Variants in NELL2 observed in about 807,000 individuals in gnomAD.
NELL2 encodes the protein neural EGFL like 2, also known as protein kinase C-binding protein NELL2.
Under a neutral mutation model 109.6 loss-of-function variants are expected in NELL2, and 41 were observed. The ratio of observed to expected loss-of-function variants is 0.37; its 90% confidence interval spans 0.29 to 0.49. NELL2 has a LOEUF of 0.49. Among genes scored for constraint, NELL2 ranks in the 20% least tolerant of loss-of-function variants. The pLI is 0.98. For synonymous variants in NELL2, 355 were observed against 344.7 expected, an observed-to-expected ratio of 1.03 and a Z score of -0.33; for missense variants, 900 against 1,008.3, an observed-to-expected ratio of 0.89 and a Z score of 1.45.
intron 15 of NELL2, among the ~76,000 whole-genome samples, chr12:44,588,735 T>C (rs1376012405): frequency 1.3e-5 from 2 of 152,204 alleles, no homozygotes; most frequent in African/African-American, 4.8e-5. Context: ...TTTAACCATA[T>C]TTAAGTGTAC....
chr12:44,902,704 GAGAT>G (rs1057299187), intron 1 of NELL2, among the ~76,000 whole-genome samples: 20 of 152,194 alleles, frequency 1.3e-4, no homozygotes, highest in African/African-American at 4.8e-4. Context: ...CGAAAACAGA[GAGAT>G]AGACCAATGG....
intron 12 of NELL2, among the ~76,000 whole-genome samples, chr12:44,695,492 T>A (rs1949036539): frequency 6.6e-6 from 1 of 151,974 alleles, no homozygotes; most frequent in South Asian, 2.1e-4. Flanking sequence ...AGCCCAGGAG[T>A]TTGAGACCAT....
rs1945589085 is a variant in NELL2 at position 44,610,762 on chromosome 12, A to G, written c.1567+86T>C. 14 of 1,563,698 alleles carry G rather than the reference A, an allele frequency of 9.0e-6. No homozygotes were observed. The Middle Eastern group carries it at 5.1e-4, about 57-fold the overall frequency. ...TCTGTAGGAAGTACCTGGAATGTAC[A>G]TAACAGTAATGATAAGGTGTAGAGG... On this transcript the variant is annotated intron_variant, in intron 14 of 19. Transcript: ENST00000429094.
chr12:44,869,855 T>A (rs1945113776), intron 2 of NELL2, among the ~76,000 whole-genome samples: 1 of 152,186 alleles, frequency 6.6e-6, no homozygotes, highest in African/African-American at 2.4e-5. Context: ...AGGTTGATAA[T>A]TTCTCAAATA....
intron 15 of NELL2, among the ~76,000 whole-genome samples, chr12:44,533,324 C>G (rs1734502583): frequency 6.6e-6 from 1 of 152,080 alleles, no homozygotes. Flanking sequence ...ATGACAATAG[C>G]ATTCATGCAT....
At chr12:44,738,327 A>G (rs1278961676) in intron 9 of NELL2, among the ~76,000 whole-genome samples, 2 of 152,174 alleles carry the variant, frequency 1.3e-5, no homozygotes, top group African/African-American at 4.8e-5. Flanking sequence ...TATGAAATCA[A>G]TCTCTCAAAG....
intron 2 of NELL2, among the ~76,000 whole-genome samples, chr12:44,819,309 C>T (rs898071796): frequency 2.0e-5 from 3 of 152,142 alleles, no homozygotes; most frequent in African/African-American, 2.4e-5. Context: ...GGAAACAGAC[C>T]GCTTGAGAAG....
chr12:44,545,365 AG>A (rs1221000432), intron 15 of NELL2, among the ~76,000 whole-genome samples: 2 of 152,106 alleles, frequency 1.3e-5, no homozygotes, highest in Admixed American at 6.6e-5. Context: ...CTTTTAAGAA[AG>A]GGTGCTACAA....
chr12:44,833,390 T>G (rs1355909279), intron 2 of NELL2, among the ~76,000 whole-genome samples: 1 of 152,218 alleles, frequency 6.6e-6, no homozygotes, highest in Non-Finnish European at 1.5e-5. Context: ...CTACACATTT[T>G]CATTATTTTT....
intron 12 of NELL2, among the ~76,000 whole-genome samples, chr12:44,684,314 C>G (rs1352083717): frequency 6.6e-6 from 1 of 151,846 alleles, no homozygotes; most frequent in Non-Finnish European, 1.5e-5. Flanking sequence ...TCTCTTTTTT[C>G]TTTATTAGTC....
intron 12 of NELL2, among the ~76,000 whole-genome samples, chr12:44,679,160 C>A (rs536482873): frequency 2.0e-5 from 3 of 151,960 alleles, no homozygotes; most frequent in Middle Eastern, 3.2e-3. Flanking sequence ...CTATTACTCC[C>A]GGGAGGAGAG....
intron 13 of NELL2, among the ~76,000 whole-genome samples, chr12:44,615,016 G>A (rs1197174207): frequency 1.3e-5 from 2 of 152,052 alleles, no homozygotes; most frequent in Non-Finnish European, 2.9e-5. Context: ...GGTTAAAAAT[G>A]ATTATAAAGT....
At chr12:44,611,043 C>T in intron 13 of NELL2, 73 bp from the exon 14 acceptor site, 1 of 1,446,610 alleles carries the variant, frequency 6.9e-7, no homozygotes, top group South Asian at 1.2e-5. Context: ...CACCTTCAGT[C>T]TTGGTTATTG....
chr12:44,714,400 C>T (rs774895001), intron 10 of NELL2, among the ~76,000 whole-genome samples: 6 of 151,934 alleles, frequency 3.9e-5, no homozygotes, highest in Non-Finnish European at 5.9e-5. Context: ...ATTTGGAAAA[C>T]ATACGACAAC....
intron 15 of NELL2, 43 bp from the exon 16 acceptor site, chr12:44,532,764 T>C (rs1411685925): frequency 6.4e-7 from 1 of 1,573,212 alleles, no homozygotes; most frequent in Non-Finnish European, 8.7e-7. Context: ...TTATCTTCTT[T>C]GAAAGAAACT....
At chr12:44,837,715 T>C (rs1256498306) in intron 2 of NELL2, among the ~76,000 whole-genome samples, 3 of 152,126 alleles carry the variant, frequency 2.0e-5, no homozygotes, top group Non-Finnish European at 2.9e-5. Context: ...AGTTGATTCA[T>C]ATCTGCCAGA....
At chr12:44,559,137 T>C (rs1943372406) in intron 15 of NELL2, among the ~76,000 whole-genome samples, 2 of 152,152 alleles carry the variant, frequency 1.3e-5, no homozygotes, top group South Asian at 2.1e-4. Flanking sequence ...CCGAGAGATT[T>C]TGTCACTGCC....
chr12:44,801,990 A>T (rs1942846672), intron 3 of NELL2, among the ~76,000 whole-genome samples: 1 of 152,082 alleles, frequency 6.6e-6, no homozygotes, highest in Non-Finnish European at 1.5e-5. Flanking sequence ...CGATAGTATA[A>T]AGCCTTCCCT....
chr12:44,683,550 G>T (rs1739933600), intron 12 of NELL2, among the ~76,000 whole-genome samples: 1 of 152,022 alleles, frequency 6.6e-6, no homozygotes, highest in Non-Finnish European at 1.5e-5. Context: ...GATATTGGCT[G>T]TGGGTTTGTC....
Sources: allele counts gnomAD v4.1 joint callset (sites outside exome capture counted in the v4.1 genomes callset), GRCh38; gene constraint gnomAD v4.1.1; transcripts MANE v1.5; gene names NCBI Gene and HGNC (gene_info 2026-07-23, HGNC 2026-07-21).